Variants in TMEM132D observed in about 807,000 individuals in gnomAD.
TMEM132D encodes the protein mature OL transmembrane protein.
TMEM132D carries 21 observed loss-of-function variants against 62.3 expected under a neutral mutation model. The ratio of observed to expected loss-of-function variants is 0.34; its 90% confidence interval spans 0.24 to 0.49. The LOEUF (loss-of-function observed/expected upper bound fraction) is 0.49, where lower values mean the gene tolerates loss of function less well. Ranked by LOEUF, TMEM132D falls within the 20% of genes least tolerant of loss-of-function variation. The pLI, the probability that TMEM132D is intolerant of heterozygous loss-of-function variation, is 0.99. For synonymous variants in TMEM132D, 621 were observed against 575.6 expected, an observed-to-expected ratio of 1.08 and a Z score of -1.13; for missense variants, 1,346 against 1,402.8, an observed-to-expected ratio of 0.96 and a Z score of 0.65.
chr12:129,077,929 C>G (rs956319867), intron 8 of TMEM132D, among the ~76,000 whole-genome samples: 2 of 152,124 alleles, frequency 1.3e-5, no homozygotes, highest in African/African-American at 4.8e-5. Context: ...ACACAACACA[C>G]ATATACATAT....
intron 1 of TMEM132D, among the ~76,000 whole-genome samples, chr12:129,759,454 T>C (rs1396338017): frequency 1.3e-5 from 2 of 152,206 alleles, no homozygotes; most frequent in African/African-American, 4.8e-5. Flanking sequence ...CTTACTCCCG[T>C]GGCACTACAA....
At chr12:129,417,360 C>T (rs1872157853) in intron 3 of TMEM132D, among the ~76,000 whole-genome samples, 1 of 152,136 alleles carries the variant, frequency 6.6e-6, no homozygotes, top group South Asian at 2.1e-4. Context: ...ATACGTAGAC[C>T]AATGGAACAG....
intron 3 of TMEM132D, among the ~76,000 whole-genome samples, chr12:129,359,040 T>C (rs1031532975): frequency 1.3e-5 from 2 of 151,976 alleles, no homozygotes; most frequent in African/African-American, 2.4e-5. Context: ...TATTGACAGA[T>C]GAATGGATAA....
intron 5 of TMEM132D, among the ~76,000 whole-genome samples, chr12:129,122,363 A>G (rs1008562631): frequency 8.5e-5 from 13 of 152,218 alleles, no homozygotes; most frequent in Admixed American, 2.0e-4. Context: ...CTAGCTGGGT[A>G]AAGAGGACAC....
intron 4 of TMEM132D, among the ~76,000 whole-genome samples, chr12:129,268,427 T>G (rs906435397): frequency 6.6e-6 from 1 of 151,964 alleles, no homozygotes; most frequent in African/African-American, 2.4e-5. Context: ...AAAAAACACA[T>G]GAAAAAATGC....
intron 3 of TMEM132D, among the ~76,000 whole-genome samples, chr12:129,342,527 T>A (rs1424887565): frequency 6.6e-6 from 1 of 152,156 alleles, no homozygotes; most frequent in Non-Finnish European, 1.5e-5. Flanking sequence ...AAGGACTTCA[T>A]GTCTAAAACA....
At chr12:129,764,264 G>T (rs944076648) in intron 1 of TMEM132D, among the ~76,000 whole-genome samples, 1 of 152,090 alleles carries the variant, frequency 6.6e-6, no homozygotes, top group Non-Finnish European at 1.5e-5. Context: ...TACAATTTGT[G>T]TTGATACCCC....
intron 3 of TMEM132D, among the ~76,000 whole-genome samples, chr12:129,348,658 C>A (rs1012048263): frequency 1.1e-4 from 16 of 152,272 alleles, no homozygotes; most frequent in African/African-American, 3.6e-4. Flanking sequence ...CCATAAGGCA[C>A]ATGCTTACTT....
chr12:129,722,328 G>A (rs2398473), intron 1 of TMEM132D, among the ~76,000 whole-genome samples: 125,500 of 151,864 alleles, frequency 0.83, 52,380 homozygotes, highest in Non-Finnish European at 0.9. Context: ...TCGAAATGCC[G>A]ACTGCCTGTC....
intron 1 of TMEM132D, among the ~76,000 whole-genome samples, chr12:129,778,032 T>C (rs1215153717): frequency 6.7e-6 from 1 of 149,904 alleles, no homozygotes; most frequent in Non-Finnish European, 1.5e-5. Flanking sequence ...GGAGGATCAC[T>C]TGAACCCAGG....
At chr12:129,535,133 C>G (rs1372886906) in intron 2 of TMEM132D, among the ~76,000 whole-genome samples, 1 of 152,206 alleles carries the variant, frequency 6.6e-6, no homozygotes, top group African/African-American at 2.4e-5. Context: ...GGCATCTCTA[C>G]TGTTTTTAAT....
chr12:129,364,774 G>A (rs556122988), intron 3 of TMEM132D, among the ~76,000 whole-genome samples: 1 of 152,264 alleles, frequency 6.6e-6, no homozygotes, highest in African/African-American at 2.4e-5. Context: ...GACCACAATC[G>A]GAAAGGTCTC....
intron 4 of TMEM132D, among the ~76,000 whole-genome samples, chr12:129,310,481 G>A (rs890422666): frequency 3.9e-5 from 6 of 152,172 alleles, no homozygotes; most frequent in African/African-American, 1.2e-4. Context: ...AGAGAGAACC[G>A]GAAAGGAAAG....
chr12:129,747,307 G>A (rs1869828325), intron 1 of TMEM132D, among the ~76,000 whole-genome samples: 1 of 150,522 alleles, frequency 6.6e-6, no homozygotes, highest in Non-Finnish European at 1.5e-5. Context: ...ACTTTTCTTT[G>A]ATGTCCACAT....
chr12:129,530,343 T>A (rs565061979), intron 3 of TMEM132D, among the ~76,000 whole-genome samples: 3 of 144,780 alleles, frequency 2.1e-5, no homozygotes, highest in African/African-American at 7.4e-5. Context: ...TTCAATAGAA[T>A]CCTGAGCAAA....
intron 1 of TMEM132D, among the ~76,000 whole-genome samples, chr12:129,710,499 G>A (rs867926464): frequency 2.0e-5 from 3 of 152,110 alleles, no homozygotes; most frequent in Non-Finnish European, 4.4e-5. Flanking sequence ...GTTTTGCCAT[G>A]TTGGCCAGGC....
chr12:129,313,886 CTT>C (rs1868395680), intron 4 of TMEM132D, among the ~76,000 whole-genome samples: 1 of 151,970 alleles, frequency 6.6e-6, no homozygotes, highest in African/African-American at 2.4e-5. Context: ...TTTTATGACT[CTT>C]TTATTATTGT....
intron 5 of TMEM132D, among the ~76,000 whole-genome samples, chr12:129,186,153 G>T (rs1372463692): frequency 1.3e-5 from 2 of 152,174 alleles, no homozygotes; most frequent in Non-Finnish European, 2.9e-5. Flanking sequence ...CCCCCATGGG[G>T]ATGCTATCAT....
At chr12:129,176,300 C>G (rs1012491743) in intron 5 of TMEM132D, among the ~76,000 whole-genome samples, 1 of 152,208 alleles carries the variant, frequency 6.6e-6, no homozygotes, top group Admixed American at 6.5e-5. Flanking sequence ...ATCCCACCCC[C>G]CAAGCTTATG....
Sources: gnomAD v4.1 joint callset for allele counts (sites outside exome capture counted in the v4.1 genomes callset) on GRCh38, gnomAD v4.1.1 for gene constraint, MANE v1.5 for transcripts, NCBI Gene and HGNC (gene_info 2026-07-23, HGNC 2026-07-21) for gene names.